BTRC: variants seen among roughly 807,000 people sequenced by gnomAD.
BTRC encodes F-box/WD repeat-containing protein 1A.
In BTRC, 42 loss-of-function variants were observed where a neutral mutation model predicts 85.5. The observed-to-expected ratio is 0.49, with a 90% CI of 0.38 to 0.64. BTRC has a LOEUF of 0.64. BTRC is among the 30% of genes least tolerant of loss of function. The probability of loss-of-function intolerance (pLI) is 0.00; values close to 1 mark genes in which losing one functional copy is unlikely to be tolerated. For missense variants in BTRC, 594 were observed against 743.5 expected (o/e 0.80, Z 2.34); for synonymous variants, 255 against 263.3 (o/e 0.97, Z 0.30).
intron 1 of BTRC, among the ~76,000 whole-genome samples, chr10:101,377,453 T>C (rs1025914178): frequency 6.6e-6 from 1 of 152,176 alleles, no homozygotes; most frequent in Non-Finnish European, 1.5e-5. Flanking sequence ...TTTTAGAAAT[T>C]GCTATTTTCC....
intron 4 of BTRC, among the ~76,000 whole-genome samples, chr10:101,515,606 G>A (rs2062013491): frequency 2.0e-5 from 3 of 151,686 alleles, no homozygotes. Flanking sequence ...CCACCTCCCG[G>A]GTTCAAGTGA....
chr10:101,516,162 A>C lies in BTRC; in HGVS notation c.325-5477A>C, dbSNP rs146941964. Among the ~76,000 whole-genome samples the C allele has an allele frequency of 4.5e-3, 681 of 152,342 alleles. 7 individuals carry two copies. The highest frequency in any genetic ancestry group is 0.022 in the East Asian group (113 of 5,190). ...AAGAGAGGGAAGGCTCAGCTCCAAC[A>C]GTGTTATAAGCTCATTAAGAGTGTT... On this transcript the variant is annotated intron_variant, in intron 4 of 14. Transcript: ENST00000370187.
intron 1 of BTRC, among the ~76,000 whole-genome samples, chr10:101,354,817 C>T (rs1471246928): frequency 6.6e-6 from 1 of 152,074 alleles, no homozygotes; most frequent in Non-Finnish European, 1.5e-5. Flanking sequence ...GGAATCCCAG[C>T]TTGGCCAAAC....
chr10:101,369,448 A>G (rs1942570530), intron 1 of BTRC, among the ~76,000 whole-genome samples: 1 of 152,084 alleles, frequency 6.6e-6, no homozygotes, highest in African/African-American at 2.4e-5. Flanking sequence ...AGTGCATTCA[A>G]ACTGCTTCCT....
rs187612969 is a variant in BTRC at position 101,439,880 on chromosome 10, A to G, written c.156+9428A>G. The stretch of plus-strand genomic sequence containing the variant: ...AAGGTGGTATTGGGTAAAGAGATGC[A>G]GTGACATAGTTTGTTAAACTGATAG... On this transcript the variant is annotated intron_variant, in intron 2 of 14. Transcript: ENST00000370187. Among the ~76,000 whole-genome samples, 129 of 152,370 alleles carry G rather than the reference A, an allele frequency of 8.5e-4. 1 individual carries two copies. Among genetic ancestry groups the G allele is most frequent in the African/African-American group, 3.0e-3 (124 of 41,588 alleles).
Position 101,553,615 on chromosome 10 carries a change from G to T in BTRC, c.*492G>T, listed in dbSNP as rs2062684906. ...CCCAGTGTCTCCCTGTTAACTGCAG[G>T]AATGCCAAGCACCTGGCCAGAGCAG... On this transcript the variant is annotated 3_prime_UTR_variant, in exon 15 of 15. Transcript: ENST00000370187. 2 of 152,704 alleles carry T rather than the reference G, an allele frequency of 1.3e-5. No homozygotes were observed. The highest frequency in any genetic ancestry group is 4.1e-4 in the South Asian group (2 of 4,830). 9.5% of individuals were successfully genotyped at this position (152,704 alleles called of 1,614,324 possible).
chr10:101,546,298 A>AC (rs34404138), intron 13 of BTRC, among the ~76,000 whole-genome samples: 95,767 of 152,072 alleles, frequency 0.63, 31,335 homozygotes, highest in East Asian at 0.85. Context: ...AGTGGTATTC[A>AC]CTAATGGAAA....
At chr10:101,523,122 T>A (rs936606262) in intron 5 of BTRC, among the ~76,000 whole-genome samples, 1 of 152,112 alleles carries the variant, frequency 6.6e-6, no homozygotes, top group Non-Finnish European at 1.5e-5. Flanking sequence ...GAGAATCGCT[T>A]GAACCCAGGA....
At chr10:101,531,028 C>A (rs2062272445) in intron 6 of BTRC, among the ~76,000 whole-genome samples, 1 of 152,062 alleles carries the variant, frequency 6.6e-6, no homozygotes, top group Non-Finnish European at 1.5e-5. Flanking sequence ...AAAAATTAGC[C>A]AGCATGGTGG....
chr10:101,419,042 G>A lies in BTRC; in HGVS notation c.49-11303G>A, dbSNP rs181336755. 1.6e-3 allele frequency among the ~76,000 whole-genome samples: 237 copies of A among 144,092 alleles called. 1 individual carries two copies. Among genetic ancestry groups the A allele is most frequent in the South Asian group, 4.8e-3 (22 of 4,586 alleles). 94.5% of individuals were successfully genotyped at this position (144,092 alleles called of 152,430 possible). A position where few individuals can be genotyped will look rare whatever the true frequency, so the allele number is the denominator to read the frequency against. On this transcript the variant is annotated intron_variant, in intron 1 of 14. Coordinates refer to ENST00000370187, the MANE Select transcript of BTRC (RefSeq NM_033637.4). ...TTTTTTTTTTTTGATACAGAGTCTC[G>A]CTCTGTCACCCAGGCTGGAGTGCAG...
intron 1 of BTRC, among the ~76,000 whole-genome samples, chr10:101,360,063 A>G (rs879689330): frequency 1.1e-4 from 17 of 151,926 alleles, no homozygotes; most frequent in Non-Finnish European, 2.2e-4. Context: ...TTTTTTAAAA[A>G]AACTTAATTG....
At chr10:101,547,447 TCTC>T (rs2062577334) in intron 13 of BTRC, among the ~76,000 whole-genome samples, 1 of 148,850 alleles carries the variant, frequency 6.7e-6, no homozygotes, top group African/African-American at 2.5e-5. Flanking sequence ...TGCAAGCTAT[TCTC>T]CTGTCACAGC....
At chr10:101,402,805 C>T (rs1943524163) in intron 1 of BTRC, among the ~76,000 whole-genome samples, 1 of 152,198 alleles carries the variant, frequency 6.6e-6, no homozygotes, top group Non-Finnish European at 1.5e-5. Context: ...TTCAGCAGTT[C>T]ATTTCACCAG....
intron 1 of BTRC, chr10:101,354,500 G>C (rs1417059195): frequency 4.1e-6 from 2 of 489,582 alleles, no homozygotes; most frequent in Non-Finnish European, 7.2e-6. Flanking sequence ...GGCGGCGCGC[G>C]GGGCCCTGGA....
At position 101,475,342 on chromosome 10, in the gene BTRC, C is replaced by A. The variant is rs891715525; in HGVS notation, c.235-4026C>A. Among the ~76,000 whole-genome samples the A allele has an allele frequency of 7.2e-5, 11 of 152,262 alleles. No individual in the cohort carries two copies. In the East Asian group the frequency reaches 1.4e-3, roughly 19 times the overall value. On this transcript the variant is annotated intron_variant, in intron 3 of 14. Transcript: ENST00000370187. ...ATCAATTAAGGTCAGGAGTTCAAGA[C>A]CAGCCTGGCCAACATGGTAAAACCC...
intron 1 of BTRC, among the ~76,000 whole-genome samples, chr10:101,428,291 A>G (rs1944312757): frequency 6.6e-6 from 1 of 152,194 alleles, no homozygotes; most frequent in South Asian, 2.1e-4. Context: ...CAGTGGGGGA[A>G]ATGTCAGATT....
chr10:101,372,317 C>T (rs564142775), intron 1 of BTRC, among the ~76,000 whole-genome samples: 2 of 150,196 alleles, frequency 1.3e-5, no homozygotes, highest in African/African-American at 4.9e-5. Flanking sequence ...AGTGCAGTGG[C>T]GCAATCTTGG....
At chr10:101,444,102 T>G (rs1944762789) in intron 2 of BTRC, among the ~76,000 whole-genome samples, 1 of 152,372 alleles carries the variant, frequency 6.6e-6, no homozygotes, top group East Asian at 1.9e-4. Context: ...GGTATACTTA[T>G]GTTCATATCA....
chr10:101,495,377 TG>T (rs1382961293), intron 4 of BTRC, among the ~76,000 whole-genome samples: 1 of 152,238 alleles, frequency 6.6e-6, no homozygotes, highest in Non-Finnish European at 1.5e-5. Context: ...TTTGCAAAAC[TG>T]GCATAGGCAG....
Sources: allele counts gnomAD v4.1 joint callset (sites outside exome capture counted in the v4.1 genomes callset), GRCh38; gene constraint gnomAD v4.1.1; transcripts MANE v1.5; gene names NCBI Gene and HGNC (gene_info 2026-07-23, HGNC 2026-07-21).